ANK2: variants seen among roughly 807,000 people sequenced by gnomAD.
The protein encoded by ANK2 is ankyrin 2.
In ANK2, 83 loss-of-function variants were observed where a neutral mutation model predicts 360.5. The observed-to-expected ratio is 0.23, with a 90% CI of 0.19 to 0.28. The LOEUF (loss-of-function observed/expected upper bound fraction) is 0.28, where lower values mean the gene tolerates loss of function less well. ANK2 is among the 10% of genes least tolerant of loss of function. The probability of loss-of-function intolerance (pLI) is 1.00; values close to 1 mark genes in which losing one functional copy is unlikely to be tolerated. For synonymous variants in ANK2, 1,740 were observed against 1,759.5 expected (o/e 0.99, Z 0.28); for missense variants, 4,201 against 4,795.7 (o/e 0.88, Z 3.66).
intron 1 of ANK2, among the ~76,000 whole-genome samples, chr4:113,159,273 A>G (rs1326490606): frequency 1.3e-5 from 2 of 152,148 alleles, no homozygotes; most frequent in African/African-American, 4.8e-5. Flanking sequence ...GTAAAAATGT[A>G]TATGTAAAAT....
chr4:112,754,517 T>TG, the ANK2 span, among the ~76,000 whole-genome samples: 84,925 of 147,690 alleles, frequency 0.58, 25,319 homozygotes, highest in African/African-American at 0.74. Context: ...TTTTTTTTTT[T>TG]GGGGGGGCGT....
At chr4:113,209,092 A>G (rs567111775) in intron 4 of ANK2, among the ~76,000 whole-genome samples, 1 of 151,958 alleles carries the variant, frequency 6.6e-6, no homozygotes, top group Non-Finnish European at 1.5e-5. Context: ...ATACAAAACT[A>G]TAACAACTCA....
intron 2 of ANK2, among the ~76,000 whole-genome samples, chr4:113,180,025 A>G (rs2098359347): frequency 6.6e-6 from 1 of 152,282 alleles, no homozygotes; most frequent in Non-Finnish European, 1.5e-5. Context: ...GTGCAAAATT[A>G]TCAGTTAAAT....
chr4:112,822,060 G>T (rs2057215373), intron 1 of ANK2, among the ~76,000 whole-genome samples: 1 of 151,938 alleles, frequency 6.6e-6, no homozygotes, highest in South Asian at 2.1e-4. Flanking sequence ...GAGCCACTGC[G>T]CCTAATGTTC....
intron 2 of ANK2, among the ~76,000 whole-genome samples, chr4:113,040,199 G>A (rs188714369): frequency 7.2e-5 from 11 of 152,102 alleles, no homozygotes; most frequent in African/African-American, 2.4e-4. Flanking sequence ...CTAGCCGGGA[G>A]CATGTACATG....
chr4:113,332,191 C>A (rs1387244128), intron 28 of ANK2, 121 bp downstream of exon 28: 4 of 900,058 alleles, frequency 4.4e-6, no homozygotes, highest in African/African-American at 1.6e-5. Context: ...GATTTAAATT[C>A]TGTATAACCT....
chr4:113,376,811 T>TG (rs1370753517), intron 45 of ANK2, among the ~76,000 whole-genome samples: 1 of 148,608 alleles, frequency 6.7e-6, no homozygotes, highest in Non-Finnish European at 1.5e-5. Flanking sequence ...GGTTTTTTTT[T>TG]TTTTTTTTTT....
chr4:113,163,244 G>A (rs551503087), intron 1 of ANK2, among the ~76,000 whole-genome samples: 2 of 152,098 alleles, frequency 1.3e-5, no homozygotes, highest in African/African-American at 2.4e-5. Context: ...GTATAATGTC[G>A]ACTTATTAGA....
the ANK2 span, among the ~76,000 whole-genome samples, chr4:112,759,176 C>T: frequency 2.6e-5 from 4 of 152,042 alleles, no homozygotes; most frequent in African/African-American, 9.7e-5. Context: ...CGCTCTGTCA[C>T]CCAGTTTAGA....
At chr4:113,068,257 G>A (rs1280759646) in intron 1 of ANK2, among the ~76,000 whole-genome samples, 3 of 152,134 alleles carry the variant, frequency 2.0e-5, no homozygotes, top group Non-Finnish European at 4.4e-5. Context: ...CACAAAAATG[G>A]AAACAATTAG....
At chr4:113,019,318 CT>C (rs1561559390) in intron 2 of ANK2, among the ~76,000 whole-genome samples, 1 of 152,130 alleles carries the variant, frequency 6.6e-6, no homozygotes, top group Non-Finnish European at 1.5e-5. Flanking sequence ...ATAAGCATAA[CT>C]TTTTTTGTAC....
intron 4 of ANK2, among the ~76,000 whole-genome samples, chr4:113,206,921 G>A (rs966028609): frequency 1.3e-5 from 2 of 152,154 alleles, no homozygotes; most frequent in African/African-American, 4.8e-5. Flanking sequence ...CTACTCAGGA[G>A]GCTGAGGCAG....
chr4:113,268,851 G>C (rs1003143615), intron 14 of ANK2, among the ~76,000 whole-genome samples: 47 of 152,292 alleles, frequency 3.1e-4, no homozygotes, highest in African/African-American at 1.0e-3. Context: ...ACCTTTGGTA[G>C]AATTCAGCTG....
intron 4 of ANK2, among the ~76,000 whole-genome samples, chr4:113,208,512 AT>A (rs994455393): frequency 5.9e-5 from 9 of 151,444 alleles, no homozygotes; most frequent in Non-Finnish European, 1.0e-4. Context: ...ATTTTATTTT[AT>A]TTTTTTTGAG....
intron 2 of ANK2, among the ~76,000 whole-genome samples, chr4:113,022,912 T>A (rs2154298888): frequency 6.6e-6 from 1 of 152,228 alleles, no homozygotes; most frequent in East Asian, 1.9e-4. Flanking sequence ...TACAAAAATA[T>A]TAAATGTTTG....
chr4:112,955,544 T>G (rs1390974256), intron 2 of ANK2, among the ~76,000 whole-genome samples: 2 of 152,056 alleles, frequency 1.3e-5, no homozygotes, highest in Admixed American at 6.5e-5. Flanking sequence ...AAAGGTTGTT[T>G]TTTTTTTTAA....
intron 7 of ANK2, among the ~76,000 whole-genome samples, chr4:113,238,137 A>C (rs1403222460): frequency 6.6e-6 from 1 of 152,166 alleles, no homozygotes; most frequent in African/African-American, 2.4e-5. Flanking sequence ...TGTAAGTCTT[A>C]AAATACTTGT....
intron 2 of ANK2, among the ~76,000 whole-genome samples, chr4:112,929,377 G>T (rs994468752): frequency 6.6e-6 from 1 of 152,150 alleles, no homozygotes; most frequent in African/African-American, 2.4e-5. Context: ...GTAAATATCT[G>T]TTCTAAAAAG....
At chr4:113,342,564 G>A (rs888111566) in intron 33 of ANK2, among the ~76,000 whole-genome samples, 1 of 152,158 alleles carries the variant, frequency 6.6e-6, no homozygotes, top group Non-Finnish European at 1.5e-5. Flanking sequence ...GCTGGGCGTG[G>A]TGGCAGATGC....
Sources: gnomAD v4.1 joint callset for allele counts (sites outside exome capture counted in the v4.1 genomes callset) on GRCh38, gnomAD v4.1.1 for gene constraint, MANE v1.5 for transcripts, NCBI Gene and HGNC (gene_info 2026-07-23, HGNC 2026-07-21) for gene names.